CACNA1I: variants seen among roughly 807,000 people sequenced by gnomAD.
The protein encoded by CACNA1I is voltage-dependent T-type calcium channel subunit alpha-1I.
Under a neutral mutation model 201.6 loss-of-function variants are expected in CACNA1I, and 74 were observed. The observed-to-expected ratio is 0.37, with a 90% CI of 0.30 to 0.45. The LOEUF (loss-of-function observed/expected upper bound fraction) is 0.45, where lower values mean the gene tolerates loss of function less well. CACNA1I is among the 20% of genes least tolerant of loss of function. The probability of loss-of-function intolerance (pLI) is 1.00; values close to 1 mark genes in which losing one functional copy is unlikely to be tolerated. For synonymous variants in CACNA1I, 1,431 were observed against 1,345.2 expected (o/e 1.06, Z -1.40); for missense variants, 2,346 against 3,138.1 (o/e 0.75, Z 6.03).
At chr22:39,623,189 G>A (rs967303047) in intron 4 of CACNA1I, among the ~76,000 whole-genome samples, 1 of 152,122 alleles carries the variant, frequency 6.6e-6, no homozygotes, top group African/African-American at 2.4e-5. Flanking sequence ...GTGTGAGGGT[G>A]TGTGTGGGTG....
At chr22:39,620,558 T>A (rs993049552) in intron 4 of CACNA1I, among the ~76,000 whole-genome samples, 5 of 152,162 alleles carry the variant, frequency 3.3e-5, no homozygotes, top group Non-Finnish European at 7.4e-5. Context: ...ATTTTACAGA[T>A]GAAAAAACTA....
intron 5 of CACNA1I, among the ~76,000 whole-genome samples, chr22:39,639,014 G>A (rs113992959): frequency 0.022 from 3,377 of 152,290 alleles, 67 homozygotes; most frequent in Non-Finnish European, 0.032. Context: ...GTGTGGCCCC[G>A]GGGTTTGGGG....
intron 28 of CACNA1I, among the ~76,000 whole-genome samples, 189 bp downstream of exon 28, chr22:39,673,271 A>G (rs73888114): frequency 0.077 from 11,674 of 151,930 alleles, 1,504 homozygotes; most frequent in African/African-American, 0.27. Flanking sequence ...ACACGCATGC[A>G]CCCTCTGTGT....
intron 10 of CACNA1I, among the ~76,000 whole-genome samples, 180 bp from the exon 11 acceptor site, chr22:39,657,972 C>T (rs563434801): frequency 6.6e-6 from 1 of 152,332 alleles, no homozygotes; most frequent in East Asian, 1.9e-4. Context: ...CTCTCACGAC[C>T]CCAAGGTAGC....
intron 10 of CACNA1I, among the ~76,000 whole-genome samples, chr22:39,655,118 G>C (rs189874854): frequency 4.6e-5 from 7 of 152,272 alleles, no homozygotes. Flanking sequence ...CAGGCTCCCT[G>C]TCTGTAAAAT....
chr22:39,649,910 C>G lies in CACNA1I; in HGVS notation c.1977C>G (p.Ile659Met). Residue 659 changes from isoleucine (I) to methionine (M), a missense_variant, in exon 10 of 37, where the codon ATC (isoleucine) becomes ATG (methionine). Around this residue, in one of 13 missense-constraint regions of CACNA1I, gnomAD observed 155 missense variants for 300.8 expected, o/e 0.52. Transcript: ENST00000402142. This position sits in a 1 kb window ranked among gnomAD's most constrained non-coding sequence, Gnocchi z 7.3. ...AILVNTVSMG[I>M]EHHEQPEELT... The stretch of plus-strand genomic sequence containing the variant: ...TGGTCAACACCGTCAGCATGGGCAT[C>G]GAGCACCACGAGCAGGCCAGTGCAG... 6.2e-7 allele frequency: 1 copy of G among 1,613,126 alleles called. No homozygotes were observed.
At chr22:39,593,755 C>T (rs1199416299) in intron 1 of CACNA1I, among the ~76,000 whole-genome samples, 1 of 152,198 alleles carries the variant, frequency 6.6e-6, no homozygotes, top group African/African-American at 2.4e-5. Context: ...AGCCTCCAGC[C>T]TGAGGTTTTG....
rs918414351 is a variant in CACNA1I, at chr22:39,689,341, C to G, written c.*2936C>G. 1 of 152,842 alleles carries G rather than the reference C, an allele frequency of 6.5e-6. No individual in the cohort carries two copies. Among genetic ancestry groups the G allele is most frequent in the African/African-American group, 2.4e-5 (1 of 41,480 alleles). The allele number at this position is 152,842 out of a possible 1,614,324, so 9.5% of individuals were successfully genotyped here. A position where few individuals can be genotyped will look rare whatever the true frequency, so the allele number is the denominator to read the frequency against. ...GTAAAGCCCGTCTGCTGTCTTCCCC[C>G]AAATCCTCAGCTCAGAGCCTTCCGC... On this transcript the variant is annotated 3_prime_UTR_variant, in exon 37 of 37. Coordinates refer to ENST00000402142, the MANE Select transcript of CACNA1I (RefSeq NM_021096.4).
chr22:39,574,698 A>G (rs1030636841), intron 1 of CACNA1I, among the ~76,000 whole-genome samples: 1 of 152,216 alleles, frequency 6.6e-6, no homozygotes, highest in Non-Finnish European at 1.5e-5. Flanking sequence ...TGTGACTACC[A>G]TAAATGACCT....
chr22:39,623,542 TTG>T (rs924864976), intron 4 of CACNA1I, among the ~76,000 whole-genome samples: 1 of 147,068 alleles, frequency 6.8e-6, no homozygotes, highest in Non-Finnish European at 1.5e-5. Context: ...ATATGTGTGC[TTG>T]TGTGTGTGTG....
Position 39,661,950 on chromosome 22 carries a change from G to A in CACNA1I, c.2902-15G>A. On this transcript the variant is annotated splice_polypyrimidine_tract_variant and intron_variant, in intron 16 of 36. Transcript: ENST00000402142. Reference sequence around the variant, plus strand: ...GTGCCTGTGGGGCGCTGACCCGAACGGGAACTCCTTCCAGTCCAGCTCCCG... The same window carrying A: ...GTGCCTGTGGGGCGCTGACCCGAACAGGAACTCCTTCCAGTCCAGCTCCCG... 13 of 1,492,988 alleles carry A rather than the reference G, an allele frequency of 8.7e-6. No individual in the cohort carries two copies. Among genetic ancestry groups the A allele is most frequent in the Non-Finnish European group, 1.2e-5 (13 of 1,122,372 alleles). The allele number at this position is 1,492,988 out of a possible 1,614,324, so 92.5% of individuals were successfully genotyped here.
Position 39,646,422 on chromosome 22 carries a change from G to T in CACNA1I, c.1150-147G>T, listed in dbSNP as rs112556733. On this transcript the variant is annotated intron_variant, in intron 7 of 36. Transcript: ENST00000402142. ...CTTGCTTCATTTCTGCCTCTGTACC[G>T]CCATCTCCATCTCCATCTCCCCATC... The T allele has an allele frequency of 2.2e-5, 28 of 1,288,100 alleles. No homozygotes were observed. The Middle Eastern group carries it at 7.8e-4, about 36-fold the overall frequency. 79.8% of individuals were successfully genotyped at this position (1,288,100 alleles called of 1,614,324 possible). A position where few individuals can be genotyped will look rare whatever the true frequency, so the allele number is the denominator to read the frequency against.
intron 4 of CACNA1I, among the ~76,000 whole-genome samples, chr22:39,626,873 G>A (rs569439089): frequency 6.6e-6 from 1 of 152,328 alleles, no homozygotes; most frequent in East Asian, 1.9e-4. Context: ...AAGTGCTTGT[G>A]ACAAGCTCAT....
In CACNA1I at chr22:39,669,676, GTGGA is replaced by G. The variant is rs941733930; in HGVS notation, c.4195-346_4195-343del. ...GGTGGATGAGTGGATGGATGGGTGG[GTGGA>G]TGGATGGATGGATGGGTGGTGGATG... On this transcript the variant is annotated intron_variant, in intron 24 of 36. Coordinates refer to ENST00000402142, the MANE Select transcript of CACNA1I (RefSeq NM_021096.4). 5.3e-5 allele frequency among the ~76,000 whole-genome samples: 8 copies of G among 151,810 alleles called. No homozygotes were observed. In the East Asian group the frequency reaches 5.8e-4, roughly 11 times the overall value.
At position 39,581,386 on chromosome 22, in the gene CACNA1I, G is replaced by A. The variant is rs182527873; in HGVS notation, c.236+10398G>A. ...GGACATTTGGGGTCCAGATTCTGGAGGGCAGAACGGAAGACTGCGAGGGGA... is the reference window on the plus strand; with the variant it reads ...GGACATTTGGGGTCCAGATTCTGGAAGGCAGAACGGAAGACTGCGAGGGGA... On this transcript the variant is annotated intron_variant, in intron 1 of 36. Transcript: ENST00000402142. 3.7e-3 allele frequency among the ~76,000 whole-genome samples: 560 copies of A among 152,294 alleles called. 7 individuals are homozygous for A. The highest frequency in any genetic ancestry group is 5.3e-3 in the Non-Finnish European group (363 of 68,020).
Position 39,659,246 on chromosome 22 carries a change from C to T in CACNA1I, c.2330+130C>T. On this transcript the variant is annotated intron_variant, in intron 12 of 36. Transcript: ENST00000402142. This position sits in a 1 kb window ranked among gnomAD's most constrained non-coding sequence, Gnocchi z 4.3. ...CCTGGGTGTGAAGCCTGACACTGTT[C>T]CTCAGTCCCCTGTGGCTTTCAGCAA... The T allele has an allele frequency of 1.7e-5, 19 of 1,136,742 alleles. No homozygotes were observed. Among genetic ancestry groups the T allele is most frequent in the Non-Finnish European group, 2.4e-5 (19 of 794,736 alleles). 70.4% of individuals were successfully genotyped at this position (1,136,742 alleles called of 1,614,324 possible). A position where few individuals can be genotyped will look rare whatever the true frequency, so the allele number is the denominator to read the frequency against.
rs779622652 is a variant in CACNA1I at position 39,665,434 on chromosome 22, G to A, written c.3852-64G>A. The stretch of plus-strand genomic sequence containing the variant: ...TACTCAGCCCTGGTGACTCTGGGCT[G>A]AGTAGGGGCTGCCTCCTGGCCTGGC... On this transcript the variant is annotated intron_variant, in intron 21 of 36. Coordinates refer to ENST00000402142, the MANE Select transcript of CACNA1I (RefSeq NM_021096.4). This position sits in a 1 kb window ranked among gnomAD's most constrained non-coding sequence, Gnocchi z 5.5. 8 of 1,596,312 alleles carry A rather than the reference G, an allele frequency of 5.0e-6. No individual in the cohort carries two copies. Among genetic ancestry groups the A allele is most frequent in the Non-Finnish European group, 6.8e-6 (8 of 1,170,898 alleles).
At chr22:39,606,988 C>T (rs1490416920) in intron 3 of CACNA1I, among the ~76,000 whole-genome samples, 68 of 152,214 alleles carry the variant, frequency 4.5e-4, no homozygotes, top group Admixed American at 4.4e-3. Context: ...TCTCCTCCCC[C>T]AACCAGAAAC....
At chr22:39,622,556 G>A (rs1933777249) in intron 4 of CACNA1I, among the ~76,000 whole-genome samples, 1 of 143,480 alleles carries the variant, frequency 7.0e-6, no homozygotes, top group Non-Finnish European at 1.5e-5. Context: ...GAAGAGGTTA[G>A]CAAGTGGTTG....
Sources: allele counts gnomAD v4.1 joint callset (sites outside exome capture counted in the v4.1 genomes callset), GRCh38; gene constraint gnomAD v4.1.1; regional missense constraint gnomAD v4.1.1; non-coding constraint Gnocchi (gnomAD v3.1); transcripts MANE v1.5; gene names NCBI Gene and HGNC (gene_info 2026-07-23, HGNC 2026-07-21).